GPCPD1: variants seen among roughly 807,000 people sequenced by gnomAD.
GPCPD1 encodes glycerophosphocholine phosphodiesterase 1.
A neutral mutation model predicts 89.2 loss-of-function variants in GPCPD1; 29 were observed. That is an observed-to-expected ratio of 0.33 (90% confidence interval 0.24 to 0.44). The LOEUF (loss-of-function observed/expected upper bound fraction) is 0.44, where lower values mean the gene tolerates loss of function less well. Ranked by LOEUF, GPCPD1 falls within the 20% of genes least tolerant of loss-of-function variation. The probability of loss-of-function intolerance (pLI) is 1.00; values close to 1 mark genes in which losing one functional copy is unlikely to be tolerated. For missense variants in GPCPD1, 594 were observed against 808.9 expected (o/e 0.73, Z 3.22); for synonymous variants, 258 against 266.3 (o/e 0.97, Z 0.30).
rs1367518378 is a variant in GPCPD1, at chr20:5,578,382, C to T, written c.703G>A (p.Glu235Lys). 2.3e-5 allele frequency: 37 copies of T among 1,582,152 alleles called. No individual in the cohort carries two copies. The highest frequency in any genetic ancestry group is 4.0e-5 in the African/African-American group (3 of 74,266). The part of the protein sequence containing the change: ...DNLELIFDFF[E>K]EDLSEHVVQG... ...CCCTCACTGCAGTAACTACTCACTT[C>T]GAAAAAATCAAAGATTAGTTCCAGG... The change falls in exon 8 of 20, where the codon GAA (glutamate) becomes AAA (lysine). Residue 235 changes from glutamate to lysine, a missense_variant and splice_region_variant. Glu to Lys is a moderately conservative substitution (Grantham distance 56). Coordinates refer to ENST00000379019, the MANE Select transcript of GPCPD1 (RefSeq NM_019593.5).
chr20:5,558,170 C>T (rs1023636229), intron 18 of GPCPD1, 65 bp from the exon 19 acceptor site: 1 of 974,650 alleles, frequency 1.0e-6, no homozygotes, highest in Non-Finnish European at 1.6e-6. Context: ...AATGCTCACA[C>T]TCTAAATCAG....
At chr20:5,597,519 TAA>T (rs1052759889) in intron 3 of GPCPD1, among the ~76,000 whole-genome samples, 3 of 152,242 alleles carry the variant, frequency 2.0e-5, no homozygotes, top group South Asian at 2.1e-4. Flanking sequence ...TTGATTTTTT[TAA>T]AAGTCTTTTG....
At chr20:5,577,053 GTT>G (rs752262748) in intron 8 of GPCPD1, among the ~76,000 whole-genome samples, 1 of 124,630 alleles carries the variant, frequency 8.0e-6, no homozygotes, top group East Asian at 2.5e-4. Context: ...AAAAAAAGTT[GTT>G]TTTTTTTTTG....
chr20:5,583,872 T>C (rs950634347), intron 6 of GPCPD1, among the ~76,000 whole-genome samples: 1 of 152,218 alleles, frequency 6.6e-6, no homozygotes, highest in African/African-American at 2.4e-5. Flanking sequence ...TTTAATTATA[T>C]AACATCATAT....
intron 10 of GPCPD1, 97 bp from the exon 11 acceptor site, chr20:5,574,066 A>G: frequency 2.6e-6 from 2 of 767,414 alleles, no homozygotes; most frequent in Non-Finnish European, 4.5e-6. Context: ...GGGAAATGGT[A>G]CTTATTCTGT....
At chr20:5,574,716 C>T (rs1181048879) in intron 10 of GPCPD1, among the ~76,000 whole-genome samples, 2 of 152,048 alleles carry the variant, frequency 1.3e-5, no homozygotes, top group African/African-American at 2.4e-5. Flanking sequence ...CCAGCCTGAA[C>T]GACAGAGACT....
chr20:5,556,417 G>T (rs890617015), intron 19 of GPCPD1, among the ~76,000 whole-genome samples: 19 of 152,270 alleles, frequency 1.2e-4, no homozygotes, highest in African/African-American at 4.3e-4. Context: ...TGTTGGTCAG[G>T]CTGGTCTCAA....
intron 3 of GPCPD1, among the ~76,000 whole-genome samples, chr20:5,595,195 AT>A (rs1326159490): frequency 3.3e-5 from 5 of 152,216 alleles, no homozygotes; most frequent in African/African-American, 1.2e-4. Context: ...AGGTATGTAC[AT>A]TTTTAAAAAT....
At chr20:5,565,468 A>G (rs980322115) in intron 14 of GPCPD1, among the ~76,000 whole-genome samples, 4 of 152,046 alleles carry the variant, frequency 2.6e-5, no homozygotes, top group Non-Finnish European at 5.9e-5. Context: ...GCCTCAAGCA[A>G]TTCTCCCAAC....
At chr20:5,549,394 T>C in intron 19 of GPCPD1, 1 of 1,214,400 alleles carries the variant, frequency 8.2e-7, no homozygotes, top group East Asian at 2.5e-5. Flanking sequence ...GGTTAGGACT[T>C]CCTCCAAACA....
intron 1 of GPCPD1, among the ~76,000 whole-genome samples, chr20:5,607,684 T>A (rs556125992): frequency 6.6e-6 from 1 of 151,856 alleles, no homozygotes; most frequent in Non-Finnish European, 1.5e-5. Context: ...GGCGGCCAGG[T>A]GTGGTGGCTC....
rs1568635185 is a variant in GPCPD1 at position 5,546,731 on chromosome 20, T to C, written c.*930A>G. 1 of 152,532 alleles carries C rather than the reference T, an allele frequency of 6.6e-6. No individual in the cohort carries two copies. Among genetic ancestry groups the C allele is most frequent in the Non-Finnish European group, 1.5e-5 (1 of 68,020 alleles). 9.4% of individuals were successfully genotyped at this position (152,532 alleles called of 1,614,324 possible). A position where few individuals can be genotyped will look rare whatever the true frequency, so the allele number is the denominator to read the frequency against. On this transcript the variant is annotated 3_prime_UTR_variant, in exon 20 of 20. Transcript: ENST00000379019. Reference sequence around the variant, plus strand: ...AAAACAAACCCACAAAGCAACAGTGTGTAATAGGTAGTGAGAGACACACAA... The same window carrying C: ...AAAACAAACCCACAAAGCAACAGTGCGTAATAGGTAGTGAGAGACACACAA...
chr20:5,581,473 C>T (rs146895146), intron 6 of GPCPD1, among the ~76,000 whole-genome samples: 97 of 152,280 alleles, frequency 6.4e-4, no homozygotes, highest in Non-Finnish European at 6.6e-4. Context: ...ACTTCCAAAG[C>T]GTCACTTTAG....
chr20:5,600,401 A>G (rs1456353751), intron 2 of GPCPD1, among the ~76,000 whole-genome samples: 2 of 152,048 alleles, frequency 1.3e-5, no homozygotes, highest in South Asian at 2.1e-4. Context: ...CTAAAAATAC[A>G]AAAAGGCCAG....
chr20:5,569,167 G>A (rs1986565768), intron 12 of GPCPD1, among the ~76,000 whole-genome samples: 1 of 149,556 alleles, frequency 6.7e-6, no homozygotes, highest in Admixed American at 6.7e-5. Context: ...GAAACAAAAG[G>A]GTCCTTTCCT....
At chr20:5,585,821 G>C (rs1978883177) in intron 5 of GPCPD1, 1 of 165,978 alleles carries the variant, frequency 6.0e-6, no homozygotes, top group South Asian at 2.0e-4. Flanking sequence ...TCTTTGTTTT[G>C]GATTAATTTT....
At chr20:5,594,555 G>T (rs1374418081) in intron 3 of GPCPD1, among the ~76,000 whole-genome samples, 1 of 151,778 alleles carries the variant, frequency 6.6e-6, no homozygotes, top group Non-Finnish European at 1.5e-5. Flanking sequence ...GCCTCCCAAA[G>T]TGCTGGGATT....
intron 14 of GPCPD1, among the ~76,000 whole-genome samples, chr20:5,565,899 A>T (rs1322103362): frequency 2.0e-5 from 3 of 152,250 alleles, no homozygotes; most frequent in Non-Finnish European, 4.4e-5. Context: ...AAAAAATTAA[A>T]ATATCAAGTT....
intron 2 of GPCPD1, among the ~76,000 whole-genome samples, chr20:5,600,240 A>C (rs1002049930): frequency 6.6e-6 from 1 of 152,230 alleles, no homozygotes; most frequent in African/African-American, 2.4e-5. Context: ...CAAGTGTGAC[A>C]GTCATTCAGA....
Sources: gnomAD v4.1 joint callset for allele counts (sites outside exome capture counted in the v4.1 genomes callset) on GRCh38, gnomAD v4.1.1 for gene constraint, MANE v1.5 for transcripts, NCBI Gene and HGNC (gene_info 2026-07-23, HGNC 2026-07-21) for gene names.